Variants in LAMA3 observed in about 807,000 individuals in gnomAD.
The protein encoded by LAMA3 is laminin subunit alpha-3.
Under a neutral mutation model 402.0 loss-of-function variants are expected in LAMA3, and 281 were observed. That is an observed-to-expected ratio of 0.70 (90% CI 0.63 to 0.77). The LOEUF is 0.77. Ranked by LOEUF, LAMA3 falls within the 30% of genes least tolerant of loss-of-function variation. The probability of loss-of-function intolerance (pLI) is 0.00; values close to 1 mark genes in which losing one functional copy is unlikely to be tolerated. For missense variants in LAMA3, 3,840 were observed against 4,215.5 expected, an observed-to-expected ratio of 0.91 and a Z score of 2.47; for synonymous variants, 1,431 against 1,558.4, an observed-to-expected ratio of 0.92 and a Z score of 1.93.
chr18:23,740,127 G>A (rs1040601118), intron 2 of LAMA3, among the ~76,000 whole-genome samples: 1 of 152,210 alleles, frequency 6.6e-6, no homozygotes, highest in African/African-American at 2.4e-5. Flanking sequence ...ACAAGACTCA[G>A]TTATGAAATT....
At chr18:23,776,903 C>T (rs1004789480) in intron 10 of LAMA3, among the ~76,000 whole-genome samples, 1 of 147,036 alleles carries the variant, frequency 6.8e-6, no homozygotes, top group Non-Finnish European at 1.5e-5. Flanking sequence ...TGCAATGGTG[C>T]GATCTTGGCT....
At chr18:23,849,146 A>T (rs577669293) in intron 32 of LAMA3, among the ~76,000 whole-genome samples, 1 of 152,222 alleles carries the variant, frequency 6.6e-6, no homozygotes, top group South Asian at 2.1e-4. Flanking sequence ...GGGGGGTAGA[A>T]CTTGGACAGA....
intron 12 of LAMA3, among the ~76,000 whole-genome samples, chr18:23,804,227 C>A (rs2062919630): frequency 6.6e-6 from 1 of 152,194 alleles, no homozygotes; most frequent in Non-Finnish European, 1.5e-5. Context: ...CTGTCGTTCA[C>A]TTATGTGGGC....
chr18:23,739,646 G>A (rs2061530968), intron 2 of LAMA3, among the ~76,000 whole-genome samples: 2 of 152,184 alleles, frequency 1.3e-5, no homozygotes, highest in Non-Finnish European at 2.9e-5. Context: ...GACCAGAAAT[G>A]TTAACACTCT....
At chr18:23,943,737 G>A (rs758578939) in intron 68 of LAMA3, 51 bp from the exon 69 acceptor site, 75 of 1,569,604 alleles carry the variant, frequency 4.8e-5, no homozygotes, top group Middle Eastern at 1.8e-4. Context: ...GCTGAGATTC[G>A]AAGGAACGCT....
chr18:23,749,171 T>C (rs895665715), intron 3 of LAMA3, among the ~76,000 whole-genome samples: 1 of 152,236 alleles, frequency 6.6e-6, no homozygotes, highest in Non-Finnish European at 1.5e-5. Flanking sequence ...CCTTAGAAGA[T>C]AAACTTGCCT....
intron 1 of LAMA3, among the ~76,000 whole-genome samples, chr18:23,692,312 C>T (rs1401710732): frequency 1.3e-5 from 2 of 152,246 alleles, no homozygotes; most frequent in Non-Finnish European, 2.9e-5. Context: ...TCTCGTCTCT[C>T]CCAGGTTGGA....
Position 23,912,769 on chromosome 18 carries a change from A to C in LAMA3, c.7217A>C (p.Asp2406Ala). ...KSGVEVRLPNDLEDLKGYTSL... is the reference protein window; with the variant it reads ...KSGVEVRLPNALEDLKGYTSL... ...GGAGTCGAAGTCCGACTGCCAAATG[A>C]CCTGGAAGATTTGAAAGGATATACA... Residue 2406 changes from aspartate (D) to alanine (A), a missense_variant, in exon 56 of 75, where the codon GAC becomes GCC. Physicochemically the swap from Asp to Ala is moderately radical, Grantham distance 126. Transcript: ENST00000313654. 1 of 1,614,104 alleles carries C rather than the reference A, an allele frequency of 6.2e-7. No individual in the cohort carries two copies. Among genetic ancestry groups the C allele is most frequent in the South Asian group, 1.1e-5 (1 of 91,088 alleles).
At chr18:23,791,928 T>C (rs912682901) in intron 12 of LAMA3, among the ~76,000 whole-genome samples, 1 of 152,180 alleles carries the variant, frequency 6.6e-6, no homozygotes, top group African/African-American at 2.4e-5. Flanking sequence ...TATCACTCTT[T>C]TTGAAAATGT....
intron 39 of LAMA3, among the ~76,000 whole-genome samples, chr18:23,881,610 A>G (rs754537916): frequency 3.3e-5 from 5 of 152,214 alleles, no homozygotes; most frequent in Non-Finnish European, 7.4e-5. Context: ...AAATTGATAT[A>G]AGTAAAATTG....
chr18:23,942,069 G>A (rs944513508), intron 68 of LAMA3, among the ~76,000 whole-genome samples: 13 of 152,188 alleles, frequency 8.5e-5, no homozygotes, highest in Non-Finnish European at 1.5e-4. Flanking sequence ...GAATAAATGT[G>A]CATCTTAGCC....
intron 2 of LAMA3, among the ~76,000 whole-genome samples, chr18:23,736,167 C>T (rs777070609): frequency 3.3e-5 from 5 of 151,696 alleles, no homozygotes; most frequent in Non-Finnish European, 7.4e-5. Context: ...AAGCTAGCAC[C>T]AGACATTCTG....
At chr18:23,829,432 T>C (rs1399818614) in intron 23 of LAMA3, among the ~76,000 whole-genome samples, 1 of 152,234 alleles carries the variant, frequency 6.6e-6, no homozygotes, top group African/African-American at 2.4e-5. Flanking sequence ...TGTTTCAGCC[T>C]GCTAATTTTG....
intron 9 of LAMA3, among the ~76,000 whole-genome samples, chr18:23,775,215 C>A (rs1431346830): frequency 1.3e-5 from 2 of 152,208 alleles, no homozygotes; most frequent in African/African-American, 4.8e-5. Context: ...TTGCACTATG[C>A]CTTACTCCAG....
chr18:23,814,888 G>A (rs2063145427), intron 15 of LAMA3, among the ~76,000 whole-genome samples: 1 of 152,192 alleles, frequency 6.6e-6, no homozygotes. Context: ...TTTCATGCAT[G>A]CATATCAGTA....
At chr18:23,943,557 C>T (rs2082598928) in intron 68 of LAMA3, among the ~76,000 whole-genome samples, 1 of 152,182 alleles carries the variant, frequency 6.6e-6, no homozygotes, top group Admixed American at 6.5e-5. Context: ...ACAAAAGTTC[C>T]ATGTTATTCC....
intron 25 of LAMA3, among the ~76,000 whole-genome samples, chr18:23,837,570 G>GATAGATATATATAT (rs368371253): frequency 2.4e-5 from 2 of 83,284 alleles, no homozygotes; most frequent in African/African-American, 9.0e-5. Context: ...CAGTTAATCA[G>GATAGATATATATAT]ATATATATAT....
chr18:23,803,622 C>T (rs921120773), intron 12 of LAMA3, among the ~76,000 whole-genome samples: 1 of 152,212 alleles, frequency 6.6e-6, no homozygotes, highest in African/African-American at 2.4e-5. Flanking sequence ...TTGGCCACAG[C>T]CCATTAATCA....
At chr18:23,880,255 G>A (rs1460025656) in intron 39 of LAMA3, among the ~76,000 whole-genome samples, 1 of 152,164 alleles carries the variant, frequency 6.6e-6, no homozygotes, top group Non-Finnish European at 1.5e-5. Context: ...GAAGGATTCC[G>A]GATAGGGGTG....
Sources: allele counts gnomAD v4.1 joint callset (sites outside exome capture counted in the v4.1 genomes callset), GRCh38; gene constraint gnomAD v4.1.1; transcripts MANE v1.5; gene names NCBI Gene and HGNC (gene_info 2026-07-23, HGNC 2026-07-21).